SCN2A: variants seen among roughly 807,000 people sequenced by gnomAD.
SCN2A encodes sodium channel protein type 2 subunit alpha.
In SCN2A, 20 loss-of-function variants were observed where a neutral mutation model predicts 188.7. The observed-to-expected ratio is 0.11, with a 90% CI of 0.07 to 0.15. The LOEUF is 0.15. Ranked by LOEUF, SCN2A falls within the 10% of genes least tolerant of loss-of-function variation. The probability of loss-of-function intolerance (pLI) is 1.00; values close to 1 mark genes in which losing one functional copy is unlikely to be tolerated. For missense variants in SCN2A, 1,278 were observed against 2,445.0 expected (o/e 0.52, Z 10.07); for synonymous variants, 804 against 833.1 (o/e 0.97, Z 0.60).
At chr2:165,343,273 C>CAT (rs1180590741) in intron 15 of SCN2A, among the ~76,000 whole-genome samples, 1 of 152,110 alleles carries the variant, frequency 6.6e-6, no homozygotes, top group African/African-American at 2.4e-5. Flanking sequence ...AATCTGTTTA[C>CAT]AATTTCCCTT....
intron 14 of SCN2A, among the ~76,000 whole-genome samples, chr2:165,332,643 T>G (rs942460006): frequency 3.3e-5 from 5 of 151,950 alleles, no homozygotes; most frequent in Admixed American, 2.6e-4. Context: ...AGGATAATAA[T>G]TTTACCTAGT....
intron 20 of SCN2A, 56 bp downstream of exon 20, chr2:165,370,355 C>A: frequency 6.4e-7 from 1 of 1,559,100 alleles, no homozygotes; most frequent in Non-Finnish European, 8.8e-7. Flanking sequence ...ATAGTTCTAG[C>A]AATGGTGCCT....
chr2:165,355,790 A>G (rs1010599063), intron 17 of SCN2A, among the ~76,000 whole-genome samples: 17 of 152,260 alleles, frequency 1.1e-4, no homozygotes, highest in African/African-American at 4.1e-4. Flanking sequence ...CGAGGTCAGG[A>G]GTTCGAGACC....
chr2:165,277,262 AT>A (rs1253835421), intron 1 of SCN2A, among the ~76,000 whole-genome samples: 1 of 152,168 alleles, frequency 6.6e-6, no homozygotes, highest in African/African-American at 2.4e-5. Context: ...AAATACTCAT[AT>A]TTTTATGCAA....
At chr2:165,307,718 C>A in intron 3 of SCN2A, 130 bp from the exon 4 acceptor site, 1 of 728,902 alleles carries the variant, frequency 1.4e-6, no homozygotes. Context: ...AAAAAAGGGT[C>A]AATAATAGAA....
chr2:165,305,240 G>A (rs899980675), intron 3 of SCN2A, among the ~76,000 whole-genome samples: 5 of 152,196 alleles, frequency 3.3e-5, no homozygotes, highest in African/African-American at 9.7e-5. Flanking sequence ...AAAGGAGTAA[G>A]TAATTAGCAG....
intron 19 of SCN2A, among the ~76,000 whole-genome samples, chr2:165,369,904 G>A (rs895143803): frequency 1.3e-5 from 2 of 152,128 alleles, no homozygotes; most frequent in African/African-American, 4.8e-5. Flanking sequence ...GGGGTACACT[G>A]AGACCAAAAT....
At position 165,389,002 on chromosome 2, in the gene SCN2A, C is replaced by A. The variant is rs766372407; in HGVS notation, c.5196C>A (p.Asp1732Glu). ...PILNSGPPDC[D>E]PDKDHPGSSV... ...TTAATAGTGGACCTCCAGACTGTGA[C>A]CCTGACAAAGATCACCCTGGAAGCT... Residue 1732 changes from aspartate (D) to glutamate (E), a missense_variant, in exon 27 of 27, where the codon GAC (aspartate) becomes GAA (glutamate). Asp to Glu is a conservative substitution (Grantham distance 45). Around this residue, in one of 17 missense-constraint regions of SCN2A, gnomAD observed 47 missense variants for 109.0 expected, o/e 0.43. Transcript: ENST00000375437. This position sits in a 1 kb window ranked among gnomAD's most constrained non-coding sequence, Gnocchi z 4.2. 1 of 1,613,974 alleles carries A rather than the reference C, an allele frequency of 6.2e-7. No individual in the cohort carries two copies. Among genetic ancestry groups the A allele is most frequent in the Non-Finnish European group, 8.5e-7 (1 of 1,180,018 alleles).
In SCN2A at chr2:165,310,503, C is replaced by G. The variant is rs765998950; in HGVS notation, c.878C>G (p.Thr293Ser). The G allele has an allele frequency of 1.2e-6, 2 of 1,613,372 alleles. No individual in the cohort carries two copies. Among genetic ancestry groups the G allele is most frequent in the Non-Finnish European group, 1.7e-6 (2 of 1,179,460 alleles). ...PDNSSFEINI[T>S]SFFNNSLDGN... ...AATTCTTCCTTTGAAATAAATATCA[C>G]TTCCTTCTTTAACAATTCATTGGAT... The change falls in exon 7 of 27, where the codon ACT (threonine) becomes AGT (serine). Residue 293 changes from threonine (T) to serine (S), a missense_variant. Coordinates refer to ENST00000375437, the MANE Select transcript of SCN2A (RefSeq NM_001040142.2).
chr2:165,318,819 C>G (rs13023748), intron 11 of SCN2A, among the ~76,000 whole-genome samples: 122,743 of 152,160 alleles, frequency 0.81, 49,674 homozygotes, highest in Non-Finnish European at 0.84. Flanking sequence ...CTGCAAATCC[C>G]GTAACTGTTA....
intron 1 of SCN2A, among the ~76,000 whole-genome samples, chr2:165,260,089 G>A (rs560595854): frequency 3.3e-5 from 5 of 151,708 alleles, no homozygotes; most frequent in Admixed American, 2.6e-4. Flanking sequence ...GACTACAGGC[G>A]CCCGCCACCA....
At chr2:165,334,540 T>C (rs1379703353) in intron 14 of SCN2A, among the ~76,000 whole-genome samples, 1 of 151,908 alleles carries the variant, frequency 6.6e-6, no homozygotes, top group Non-Finnish European at 1.5e-5. Context: ...ATCATCTCTA[T>C]AGATGCTGTA....
intron 20 of SCN2A, 80 bp downstream of exon 20, chr2:165,370,379 C>A: frequency 7.8e-7 from 1 of 1,288,522 alleles, no homozygotes; most frequent in Non-Finnish European, 1.1e-6. Context: ...ACAGTGTAGG[C>A]ACTCAGTAAC....
chr2:165,308,651 G>T lies in SCN2A; in HGVS notation c.477-15G>T, dbSNP rs1475312967. Reference sequence around the variant, plus strand: ...CCACTAGATTTTTAATGTGAGCTTGGCTATTTTCTCTCAGGTATACCTTTA... The same window carrying T: ...CCACTAGATTTTTAATGTGAGCTTGTCTATTTTCTCTCAGGTATACCTTTA... On this transcript the variant is annotated splice_polypyrimidine_tract_variant and intron_variant, in intron 4 of 26. Transcript: ENST00000375437. The T allele has an allele frequency of 6.2e-7, 1 of 1,609,450 alleles. No individual in the cohort carries two copies. Among genetic ancestry groups the T allele is most frequent in the Admixed American group, 1.7e-5 (1 of 59,910 alleles).
chr2:165,368,462 G>A (rs149939345), intron 19 of SCN2A, among the ~76,000 whole-genome samples: 3 of 152,126 alleles, frequency 2.0e-5, no homozygotes, highest in Non-Finnish European at 2.9e-5. Flanking sequence ...CCAGGTACCC[G>A]TCCTCTTCTG....
At chr2:165,376,462 G>C (rs915960979) in intron 22 of SCN2A, among the ~76,000 whole-genome samples, 1 of 151,866 alleles carries the variant, frequency 6.6e-6, no homozygotes, top group Non-Finnish European at 1.5e-5. Context: ...TTCTTCCTCT[G>C]TGTTTACAAA....
rs185144984 is a variant in SCN2A, at chr2:165,333,618, C to G, written c.2388+2050C>G. On this transcript the variant is annotated intron_variant, in intron 14 of 26. Coordinates refer to ENST00000375437, the MANE Select transcript of SCN2A (RefSeq NM_001040142.2). ...TAGGATGACTGAAAATCAAAACAAA[C>G]CAAACTGAAATTAATGAGGGCAGCT... is the stretch of plus-strand genomic sequence containing the variant. 2.5e-3 allele frequency among the ~76,000 whole-genome samples: 378 copies of G among 151,292 alleles called. 1 individual carries two copies. Among genetic ancestry groups the G allele is most frequent in the African/African-American group, 8.6e-3 (357 of 41,330 alleles).
intron 19 of SCN2A, among the ~76,000 whole-genome samples, chr2:165,368,832 G>T (rs913911809): frequency 1.3e-5 from 2 of 152,084 alleles, no homozygotes; most frequent in African/African-American, 4.8e-5. Context: ...GGATCTGGAG[G>T]CCTCTAAGGC....
chr2:165,307,762 T>C (rs544217677), intron 3 of SCN2A, 86 bp from the exon 4 acceptor site: 18 of 910,560 alleles, frequency 2.0e-5, no homozygotes, highest in Non-Finnish European at 3.1e-5. Flanking sequence ...AGCACTAAAG[T>C]TTTAAACTTC....
Sources: allele counts gnomAD v4.1 joint callset (sites outside exome capture counted in the v4.1 genomes callset), GRCh38; gene constraint gnomAD v4.1.1; regional missense constraint gnomAD v4.1.1; non-coding constraint Gnocchi (gnomAD v3.1); transcripts MANE v1.5; gene names NCBI Gene and HGNC (gene_info 2026-07-23, HGNC 2026-07-21).